MAML2: variants seen among roughly 807,000 people sequenced by gnomAD.
The protein encoded by MAML2 is mastermind like transcriptional coactivator 2.
MAML2 carries 22 observed loss-of-function variants against 96.1 expected under a neutral mutation model. That is an observed-to-expected ratio of 0.23 (90% CI 0.16 to 0.33). The LOEUF is 0.33. Ranked by LOEUF, MAML2 falls within the 10% of genes least tolerant of loss-of-function variation. The pLI is 1.00. For missense variants in MAML2, 1,367 were observed against 1,392.4 expected (o/e 0.98, Z 0.29); for synonymous variants, 561 against 521.3 (o/e 1.08, Z -1.04).
At chr11:96,254,083 C>G (rs554879501) in intron 1 of MAML2, among the ~76,000 whole-genome samples, 1 of 152,176 alleles carries the variant, frequency 6.6e-6, no homozygotes, top group East Asian at 1.9e-4. Context: ...TTGACAGGTC[C>G]TATTAGAGGT....
intron 1 of MAML2, among the ~76,000 whole-genome samples, chr11:96,120,772 G>A (rs1860324563): frequency 2.0e-5 from 3 of 152,138 alleles, no homozygotes. Flanking sequence ...ACCAAGAATT[G>A]TATTTTTAAA....
intron 1 of MAML2, among the ~76,000 whole-genome samples, chr11:96,155,509 A>AATACATACATATATATAT (rs541216405): frequency 1.3e-5 from 1 of 74,848 alleles, no homozygotes; most frequent in Non-Finnish European, 2.5e-5. Context: ...TAACAATTCA[A>AATACATACATATATATAT]ATATATATAT....
intron 1 of MAML2, among the ~76,000 whole-genome samples, chr11:96,108,285 T>A (rs1182357669): frequency 6.6e-6 from 1 of 152,204 alleles, no homozygotes; most frequent in African/African-American, 2.4e-5. Context: ...AAGTATTCTG[T>A]GGTGAGCGAG....
chr11:96,157,934 A>T (rs1861038190), intron 1 of MAML2, among the ~76,000 whole-genome samples: 2 of 152,302 alleles, frequency 1.3e-5, no homozygotes, highest in African/African-American at 4.8e-5. Context: ...TTACCCTCAA[A>T]TTACCTTTTC....
chr11:96,214,732 T>C (rs745563614), intron 1 of MAML2, among the ~76,000 whole-genome samples: 15 of 152,364 alleles, frequency 9.8e-5, no homozygotes, highest in Non-Finnish European at 2.1e-4. Context: ...GCTACTCACA[T>C]TACCCTCTGA....
At chr11:96,034,730 A>T (rs1430369634) in intron 2 of MAML2, among the ~76,000 whole-genome samples, 1 of 152,204 alleles carries the variant, frequency 6.6e-6, no homozygotes, top group Non-Finnish European at 1.5e-5. Flanking sequence ...TCTTAAAAGC[A>T]TATTCTAAAG....
In MAML2 at chr11:96,176,375, A is replaced by T. The variant is rs143784569; in HGVS notation, c.514-82858T>A. On this transcript the variant is annotated intron_variant, in intron 1 of 4. Transcript: ENST00000524717. The stretch of plus-strand genomic sequence containing the variant: ...AATATGCTAGATACTATATTATGCG[A>T]TTTATATACATTATTACACTTAATC... 2.4e-3 allele frequency among the ~76,000 whole-genome samples: 365 copies of T among 152,332 alleles called. 1 individual carries two copies. The highest frequency in any genetic ancestry group is 0.014 in the Middle Eastern group (4 of 294).
At position 96,341,697 on chromosome 11, in the gene MAML2, C is replaced by G; in HGVS notation, c.199G>C (p.Asp67His). The change falls in exon 1 of 5, where the codon GAC becomes CAC. Residue 67 changes from aspartate to histidine, a missense_variant. Physicochemically the swap from Asp to His is moderately conservative, Grantham distance 81. Coordinates refer to ENST00000524717, the MANE Select transcript of MAML2 (RefSeq NM_032427.4). ...RYERGRAESS[D>H]RERESTLQLL... ...TGCAAGGTGCTTTCTCTTTCCCGGT[C>G]TGAGCTCTCGGCCCTACCTCGTTCA... is the stretch of plus-strand genomic sequence containing the variant. The G allele has an allele frequency of 6.2e-7, 1 of 1,607,984 alleles. No homozygotes were observed. Among genetic ancestry groups the G allele is most frequent in the Non-Finnish European group, 8.5e-7 (1 of 1,177,160 alleles).
At chr11:96,216,236 T>C (rs1862048548) in intron 1 of MAML2, among the ~76,000 whole-genome samples, 1 of 152,204 alleles carries the variant, frequency 6.6e-6, no homozygotes, top group Non-Finnish European at 1.5e-5. Flanking sequence ...AGGAAGATCT[T>C]AGCCTACTCC....
chr11:96,300,053 G>A (rs996070845), intron 1 of MAML2, among the ~76,000 whole-genome samples: 4 of 152,154 alleles, frequency 2.6e-5, no homozygotes, highest in African/African-American at 9.7e-5. Context: ...AATAAGAAAA[G>A]AACAGGAGGC....
At chr11:96,112,714 T>C (rs1860150364) in intron 1 of MAML2, among the ~76,000 whole-genome samples, 1 of 152,258 alleles carries the variant, frequency 6.6e-6, no homozygotes, top group African/African-American at 2.4e-5. Context: ...GTGTCTGATA[T>C]CTATGCATTA....
chr11:96,231,600 G>A (rs1862294493), intron 1 of MAML2, among the ~76,000 whole-genome samples: 1 of 152,152 alleles, frequency 6.6e-6, no homozygotes. Context: ...AAGAGAATAG[G>A]ACTTGACTGG....
At chr11:96,274,077 C>CTTTT (rs992096555) in intron 1 of MAML2, among the ~76,000 whole-genome samples, 37 of 91,792 alleles carry the variant, frequency 4.0e-4, no homozygotes, top group South Asian at 1.5e-3. Flanking sequence ...TTTCCTTTTC[C>CTTTT]TTTTTTTTTT....
chr11:96,290,944 T>C (rs1863199915), intron 1 of MAML2, among the ~76,000 whole-genome samples: 1 of 152,136 alleles, frequency 6.6e-6, no homozygotes. Flanking sequence ...GACTCCTTCA[T>C]CTTATCAGGC....
intron 1 of MAML2, among the ~76,000 whole-genome samples, chr11:96,276,579 A>C (rs953219705): frequency 1.3e-5 from 2 of 152,196 alleles, no homozygotes; most frequent in Admixed American, 1.3e-4. Flanking sequence ...TCCAAGGCCA[A>C]GTTTAGGCCA....
At chr11:96,269,514 A>G (rs1483502720) in intron 1 of MAML2, among the ~76,000 whole-genome samples, 2 of 143,490 alleles carry the variant, frequency 1.4e-5, no homozygotes, top group Admixed American at 1.5e-4. Context: ...TTTGAGGTAC[A>G]TTCTTTTTAT....
At chr11:96,136,989 C>T (rs1860643435) in intron 1 of MAML2, among the ~76,000 whole-genome samples, 1 of 152,198 alleles carries the variant, frequency 6.6e-6, no homozygotes, top group Admixed American at 6.5e-5. Context: ...CTGACTAGTG[C>T]CTTGTTATTT....
rs150585593 is a variant in MAML2, at chr11:96,313,151, G to A, written c.513+28232C>T. ...TTGCACATGTGAAGGAAACTGAGGT[G>A]CGGAGGTTAAATAGATTGCTAAGAT... On this transcript the variant is annotated intron_variant, in intron 1 of 4. Transcript: ENST00000524717. 2.1e-3 allele frequency among the ~76,000 whole-genome samples: 327 copies of A among 152,302 alleles called. 3 individuals carry two copies. The highest frequency in any genetic ancestry group is 7.6e-3 in the African/African-American group (316 of 41,578).
At chr11:96,083,337 G>GA (rs1207983340) in intron 2 of MAML2, among the ~76,000 whole-genome samples, 1 of 152,030 alleles carries the variant, frequency 6.6e-6, no homozygotes, top group Non-Finnish European at 1.5e-5. Context: ...CAGGATGAGA[G>GA]AAAAAAAGTC....
Sources: allele counts gnomAD v4.1 joint callset (sites outside exome capture counted in the v4.1 genomes callset), GRCh38; gene constraint gnomAD v4.1.1; transcripts MANE v1.5; gene names NCBI Gene and HGNC (gene_info 2026-07-23, HGNC 2026-07-21).